The following NPFFR2 variants were observed in gnomAD, a reference collection of about 807,000 sequenced individuals.
NPFFR2 encodes neuropeptide FF receptor 2.
In NPFFR2, 15 loss-of-function variants were observed where a neutral mutation model predicts 13.1. The observed-to-expected ratio is 1.15, with a 90% confidence interval of 0.77 to 1.76. NPFFR2 has a LOEUF of 1.76. Among genes scored for constraint, NPFFR2 ranks in the 40% most tolerant of loss-of-function variants. The pLI, the probability that NPFFR2 is intolerant of heterozygous loss-of-function variation, is 0.00. For missense variants in NPFFR2, 572 were observed against 503.5 expected, an observed-to-expected ratio of 1.14 and a Z score of -1.30; for synonymous variants, 190 against 175.7, an observed-to-expected ratio of 1.08 and a Z score of -0.65.
At chr4:72,102,324 A>G (rs1669410574) in intron 1 of NPFFR2, among the ~76,000 whole-genome samples, 1 of 152,130 alleles carries the variant, frequency 6.6e-6, no homozygotes, top group African/African-American at 2.4e-5. Flanking sequence ...ATACTAAAAA[A>G]TCTTTCAATA....
chr4:72,095,062 C>T (rs1376784069), intron 1 of NPFFR2, among the ~76,000 whole-genome samples: 1 of 152,168 alleles, frequency 6.6e-6, no homozygotes, highest in Non-Finnish European at 1.5e-5. Flanking sequence ...CCTACATCTT[C>T]CCTCTTCCAA....
At chr4:72,111,090 G>T (rs2109819065) in intron 1 of NPFFR2, among the ~76,000 whole-genome samples, 1 of 152,036 alleles carries the variant, frequency 6.6e-6, no homozygotes, top group South Asian at 2.1e-4. Context: ...AAGGGCTATG[G>T]ATATTATCTG....
intron 1 of NPFFR2, among the ~76,000 whole-genome samples, chr4:72,102,152 T>A (rs1721268032): frequency 6.6e-6 from 1 of 152,114 alleles, no homozygotes; most frequent in South Asian, 2.1e-4. Context: ...CTTAATCATT[T>A]CAGCTTTTTA....
chr4:72,096,063 G>A (rs1010773323), intron 1 of NPFFR2, among the ~76,000 whole-genome samples: 1 of 152,202 alleles, frequency 6.6e-6, no homozygotes, highest in Non-Finnish European at 1.5e-5. Context: ...GAAGTTCTAA[G>A]GATATGTGTG....
chr4:72,128,704 A>G lies in NPFFR2; in HGVS notation c.113A>G (p.Tyr38Cys), dbSNP rs1267610123. Reference sequence around the variant, plus strand: ...ATTAATATTACCTATGTGAACTACTATCTTCACCAGCCTCAAGTGGCAGCA... The same window carrying G: ...ATTAATATTACCTATGTGAACTACTGTCTTCACCAGCCTCAAGTGGCAGCA... ...SDINITYVNY[Y>C]LHQPQVAAIF... Residue 38 changes from tyrosine (Y) to cysteine (C), a missense_variant, in exon 2 of 4, where the codon TAT (tyrosine) becomes TGT (cysteine). Coordinates refer to ENST00000308744, the MANE Select transcript of NPFFR2 (RefSeq NM_004885.3). 1.9e-6 allele frequency: 3 copies of G among 1,613,942 alleles called. No individual in the cohort carries two copies. The highest frequency in any genetic ancestry group is 2.7e-5 in the African/African-American group (2 of 74,928).
chr4:72,042,232 G>T (rs1719241813), intron 1 of NPFFR2, among the ~76,000 whole-genome samples: 1 of 152,118 alleles, frequency 6.6e-6, no homozygotes, highest in South Asian at 2.1e-4. Context: ...ACCATGTGAA[G>T]AAGGAAATGT....
intron 1 of NPFFR2, among the ~76,000 whole-genome samples, chr4:72,123,623 C>G (rs1359622021): frequency 6.6e-6 from 1 of 152,054 alleles, no homozygotes; most frequent in Non-Finnish European, 1.5e-5. Flanking sequence ...GTAAATCAAT[C>G]AACGTAATCC....
At chr4:72,049,604 A>G (rs974914010) in intron 1 of NPFFR2, among the ~76,000 whole-genome samples, 2 of 152,108 alleles carry the variant, frequency 1.3e-5, no homozygotes, top group African/African-American at 4.8e-5. Context: ...CTTGAGTATG[A>G]TATGATTTGG....
intron 1 of NPFFR2, among the ~76,000 whole-genome samples, chr4:72,119,747 C>A (rs557817792): frequency 3.3e-5 from 5 of 152,278 alleles, no homozygotes; most frequent in African/African-American, 1.2e-4. Context: ...GCATTCTGGC[C>A]CAAATACTAC....
intron 3 of NPFFR2, among the ~76,000 whole-genome samples, chr4:72,140,138 C>T (rs972726594): frequency 9.9e-5 from 15 of 152,140 alleles, no homozygotes; most frequent in Admixed American, 9.8e-4. Flanking sequence ...AGTTGCTTAT[C>T]AGCTTAAGGA....
At chr4:72,113,254 A>G (rs1293752222) in intron 1 of NPFFR2, among the ~76,000 whole-genome samples, 1 of 152,080 alleles carries the variant, frequency 6.6e-6, no homozygotes, top group Non-Finnish European at 1.5e-5. Context: ...TAGAATTTGG[A>G]AATTTTTTTT....
chr4:72,099,251 T>C (rs1442664535), intron 1 of NPFFR2, among the ~76,000 whole-genome samples: 2 of 152,172 alleles, frequency 1.3e-5, no homozygotes, highest in Non-Finnish European at 2.9e-5. Flanking sequence ...TTGTAAATAT[T>C]GTGTTAATGT....
intron 1 of NPFFR2, among the ~76,000 whole-genome samples, chr4:72,087,138 G>A (rs6839473): frequency 0.27 from 40,376 of 151,872 alleles, 5,994 homozygotes; most frequent in Middle Eastern, 0.38. Context: ...ACGTATTTTG[G>A]TGTGAGGATT....
intron 1 of NPFFR2, among the ~76,000 whole-genome samples, chr4:72,079,948 A>G (rs1323628799): frequency 1.3e-5 from 2 of 152,180 alleles, no homozygotes; most frequent in African/African-American, 4.8e-5. Flanking sequence ...GGGAAAAGAA[A>G]CCAACTTCCC....
intron 3 of NPFFR2, among the ~76,000 whole-genome samples, chr4:72,145,693 A>G (rs866732856): frequency 6.6e-6 from 1 of 152,214 alleles, no homozygotes; most frequent in South Asian, 2.1e-4. Flanking sequence ...CAGGCTAACT[A>G]GTCATTCTAT....
intron 1 of NPFFR2, among the ~76,000 whole-genome samples, chr4:72,102,172 G>T (rs1721268954): frequency 6.6e-6 from 1 of 151,998 alleles, no homozygotes; most frequent in South Asian, 2.1e-4. Flanking sequence ...AGTGGAAAAA[G>T]CTGATTATCA....
intron 1 of NPFFR2, among the ~76,000 whole-genome samples, chr4:72,127,468 A>G (rs1171979118): frequency 8.2e-6 from 1 of 122,250 alleles, no homozygotes; most frequent in Non-Finnish European, 1.6e-5. Context: ...GGTTCACGCC[A>G]TTCTCCTGCC....
At chr4:72,036,967 A>AGTG (rs1273747387) in intron 1 of NPFFR2, among the ~76,000 whole-genome samples, 1 of 152,190 alleles carries the variant, frequency 6.6e-6, no homozygotes, top group African/African-American at 2.4e-5. Context: ...TCTTACCAAG[A>AGTG]GTGACATCTC....
chr4:72,096,718 T>C (rs1013154175), intron 1 of NPFFR2, among the ~76,000 whole-genome samples: 3 of 152,214 alleles, frequency 2.0e-5, no homozygotes, highest in African/African-American at 7.2e-5. Flanking sequence ...CACTAGATAT[T>C]TCTGTTCACT....
Sources: gnomAD v4.1 joint callset for allele counts (sites outside exome capture counted in the v4.1 genomes callset) on GRCh38, gnomAD v4.1.1 for gene constraint, MANE v1.5 for transcripts, NCBI Gene and HGNC (gene_info 2026-07-23, HGNC 2026-07-21) for gene names.